The following GTF2H5 variants were observed in gnomAD, a reference collection of about 807,000 sequenced individuals.
GTF2H5 encodes the protein general transcription factor IIH subunit 5.
Under a neutral mutation model 7.1 loss-of-function variants are expected in GTF2H5, and 5 were observed. That is an observed-to-expected ratio of 0.71 (90% CI 0.37 to 1.49). GTF2H5 has a LOEUF of 1.49. GTF2H5 is among the 40% of genes most tolerant of loss of function. The pLI, the probability that GTF2H5 is intolerant of heterozygous loss-of-function variation, is 0.03. For synonymous variants in GTF2H5, 30 were observed against 31.7 expected (o/e 0.95, Z 0.18); for missense variants, 80 against 83.0 (o/e 0.96, Z 0.14).
intron 2 of GTF2H5, among the ~76,000 whole-genome samples, chr6:158,176,169 A>G (rs1785931307): frequency 6.6e-6 from 1 of 152,224 alleles, no homozygotes; most frequent in Non-Finnish European, 1.5e-5. Context: ...TCCAGAGCCC[A>G]GGCTACTAAA....
intron 1 of GTF2H5, among the ~76,000 whole-genome samples, chr6:158,169,641 A>AATG (rs1719012421): frequency 2.1e-4 from 15 of 71,828 alleles, no homozygotes; most frequent in African/African-American, 9.4e-4. Context: ...TATATTACAT[A>AATG]TATTGTATAT....
intron 2 of GTF2H5, among the ~76,000 whole-genome samples, chr6:158,190,031 G>A (rs1316509596): frequency 6.6e-6 from 1 of 151,868 alleles, no homozygotes; most frequent in Non-Finnish European, 1.5e-5. Context: ...TCACTCAGGG[G>A]CCAGTAGGCA....
At chr6:158,169,489 T>A (rs1396331150) in intron 1 of GTF2H5, among the ~76,000 whole-genome samples, 29 of 56,342 alleles carry the variant, frequency 5.1e-4, no homozygotes, top group African/African-American at 1.3e-3. Flanking sequence ...TATAATATAT[T>A]GTATATTATA....
chr6:158,171,201 T>TA (rs777824363), intron 2 of GTF2H5, among the ~76,000 whole-genome samples: 2 of 152,242 alleles, frequency 1.3e-5, no homozygotes, highest in Non-Finnish European at 2.9e-5. Context: ...AAGCCACAGA[T>TA]ATAGTCTTAC....
intron 2 of GTF2H5, among the ~76,000 whole-genome samples, chr6:158,188,909 G>A (rs961006526): frequency 6.6e-6 from 1 of 151,764 alleles, no homozygotes; most frequent in African/African-American, 2.4e-5. Flanking sequence ...GCATTTTCAT[G>A]ATCTATGGCC....
intron 2 of GTF2H5, among the ~76,000 whole-genome samples, chr6:158,180,832 ATT>A (rs143921455): frequency 1.5e-5 from 2 of 137,792 alleles, no homozygotes. Flanking sequence ...GGATTCATTG[ATT>A]TTTTTTTTTT....
Position 158,195,307 on chromosome 6 carries a change from T to G in GTF2H5, c.*3150T>G, listed in dbSNP as rs972144588. On this transcript the variant is annotated 3_prime_UTR_variant, in exon 3 of 3. Coordinates refer to ENST00000607778, the MANE Select transcript of GTF2H5 (RefSeq NM_207118.3). ...GAAACTTTGTCTCTTAATAGAACTA[T>G]GGACTGAAGTTGTGATATTGAGTGT... is the stretch of plus-strand genomic sequence containing the variant. 1.3e-5 allele frequency: 2 copies of G among 152,184 alleles called. No individual in the cohort carries two copies. The highest frequency in any genetic ancestry group is 4.8e-5 in the African/African-American group (2 of 41,436). 9.4% of individuals were successfully genotyped at this position (152,184 alleles called of 1,614,324 possible).
rs1338579645 is a variant in GTF2H5 at position 158,169,510 on chromosome 6, T to C, written c.-34-960T>C. ...ATATTGTATATTATATAATATATTG[T>C]ATATTATATATAATATACAGTATAT... On this transcript the variant is annotated intron_variant, in intron 1 of 2. Coordinates refer to ENST00000607778, the MANE Select transcript of GTF2H5 (RefSeq NM_207118.3). Among the ~76,000 whole-genome samples the C allele has an allele frequency of 1.9e-4, 15 of 78,854 alleles. 1 individual carries two copies. The highest frequency in any genetic ancestry group is 8.0e-4 in the East Asian group (2 of 2,498). The allele number at this position is 78,854 out of a possible 152,430, so 51.7% of individuals were successfully genotyped here. A position where few individuals can be genotyped will look rare whatever the true frequency, so the allele number is the denominator to read the frequency against.
At chr6:158,177,411 C>T (rs1184143842) in intron 2 of GTF2H5, among the ~76,000 whole-genome samples, 1 of 152,102 alleles carries the variant, frequency 6.6e-6, no homozygotes, top group African/African-American at 2.4e-5. Context: ...TCCACAAATG[C>T]AAGGGAGACA....
intron 2 of GTF2H5, among the ~76,000 whole-genome samples, chr6:158,181,687 G>T (rs1204495404): frequency 6.6e-6 from 1 of 151,806 alleles, no homozygotes; most frequent in African/African-American, 2.4e-5. Flanking sequence ...CAGAGACCAG[G>T]ATTGCAACCT....
rs1170173830 is a variant in GTF2H5 at position 158,194,826 on chromosome 6, G to A, written c.*2669G>A. ...CTGAAAACAAGGTTAGTAAAAACAA[G>A]GTTAGGTATTAGAACTGCAAAGAGT... On this transcript the variant is annotated 3_prime_UTR_variant, in exon 3 of 3. Transcript: ENST00000607778. 5 of 152,194 alleles carry A rather than the reference G, an allele frequency of 3.3e-5. No homozygotes were observed. The highest frequency in any genetic ancestry group is 4.4e-5 in the Non-Finnish European group (3 of 68,030). The allele number at this position is 152,194 out of a possible 1,614,324, so 9.4% of individuals were successfully genotyped here.
intron 2 of GTF2H5, among the ~76,000 whole-genome samples, chr6:158,171,803 G>A (rs1785860003): frequency 6.6e-6 from 1 of 152,160 alleles, no homozygotes; most frequent in Non-Finnish European, 1.5e-5. Context: ...ATTTTAATGT[G>A]AAAGACTAGA....
At chr6:158,181,647 A>C (rs1268196176) in intron 2 of GTF2H5, among the ~76,000 whole-genome samples, 1 of 149,316 alleles carries the variant, frequency 6.7e-6, no homozygotes. Context: ...GTCTCTTTTG[A>C]TCTTTGTTGG....
intron 2 of GTF2H5, among the ~76,000 whole-genome samples, chr6:158,173,383 G>A (rs559410287): frequency 1.3e-5 from 2 of 152,330 alleles, no homozygotes; most frequent in African/African-American, 4.8e-5. Flanking sequence ...AAAGGAAAGG[G>A]TATGGCCAGT....
At chr6:158,180,208 C>T (rs895205395) in intron 2 of GTF2H5, among the ~76,000 whole-genome samples, 1 of 152,178 alleles carries the variant, frequency 6.6e-6, no homozygotes, top group African/African-American at 2.4e-5. Flanking sequence ...AGCCTTGCAT[C>T]CCAGGGATGA....
chr6:158,176,688 A>G (rs748078724), intron 2 of GTF2H5, among the ~76,000 whole-genome samples: 4 of 152,188 alleles, frequency 2.6e-5, no homozygotes, highest in Non-Finnish European at 4.4e-5. Flanking sequence ...ACACAGAAAT[A>G]TAGAGGTGTG....
chr6:158,188,869 CCA>C (rs1191041207), intron 2 of GTF2H5, among the ~76,000 whole-genome samples: 1 of 152,002 alleles, frequency 6.6e-6, no homozygotes, highest in African/African-American at 2.4e-5. Context: ...ACCCAATAAA[CCA>C]CAGACTCCCA....
chr6:158,170,974 C>T (rs893600843), intron 2 of GTF2H5, among the ~76,000 whole-genome samples: 2 of 152,190 alleles, frequency 1.3e-5, no homozygotes, highest in South Asian at 2.1e-4. Context: ...GAGTTGAGTT[C>T]CTCAAAGCAA....
rs866853657 is a variant in GTF2H5 at position 158,169,482 on chromosome 6, A to T, written c.-34-988A>T. 1.3e-4 allele frequency among the ~76,000 whole-genome samples: 8 copies of T among 61,472 alleles called. 1 individual carries two copies. The highest frequency in any genetic ancestry group is 1.7e-4 in the African/African-American group (2 of 11,646). The allele number at this position is 61,472 out of a possible 152,430, so 40.3% of individuals were successfully genotyped here. On this transcript the variant is annotated intron_variant, in intron 1 of 2. Transcript: ENST00000607778. ...ATATATTATATTGTATATTATATATAATATATTGTATATTATATAATATAT... is the reference window on the plus strand; with the variant it reads ...ATATATTATATTGTATATTATATATTATATATTGTATATTATATAATATAT...
Sources: gnomAD v4.1 joint callset for allele counts (sites outside exome capture counted in the v4.1 genomes callset) on GRCh38, gnomAD v4.1.1 for gene constraint, MANE v1.5 for transcripts, NCBI Gene and HGNC (gene_info 2026-07-23, HGNC 2026-07-21) for gene names.